The following TMBIM6 variants were observed in gnomAD, a reference collection of about 807,000 sequenced individuals.
TMBIM6 encodes transmembrane BAX inhibitor motif containing 6, also known as bax inhibitor 1.
A neutral mutation model predicts 31.4 loss-of-function variants in TMBIM6; 13 were observed. The ratio of observed to expected loss-of-function variants is 0.41; its 90% CI spans 0.27 to 0.66. The LOEUF (loss-of-function observed/expected upper bound fraction) is 0.66. Among genes scored for constraint, TMBIM6 ranks in the 30% least tolerant of loss-of-function variants. The pLI is 0.28. For missense variants in TMBIM6, 275 were observed against 289.5 expected, an observed-to-expected ratio of 0.95 and a Z score of 0.36; for synonymous variants, 85 against 101.7, an observed-to-expected ratio of 0.84 and a Z score of 0.99.
intron 1 of TMBIM6, among the ~76,000 whole-genome samples, chr12:49,743,246 T>G (rs972792676): frequency 2.0e-5 from 3 of 150,814 alleles, no homozygotes. Context: ...ATTATTATGT[T>G]TTTTTTTTGA....
rs1205846848 is a variant in TMBIM6, at chr12:49,763,152, CA to C, written c.*257del. The C allele has an allele frequency of 6.1e-4, 221 of 362,422 alleles. 1 individual carries two copies. Among genetic ancestry groups the C allele is most frequent in the Non-Finnish European group, 7.2e-5 (14 of 195,562 alleles). The allele number at this position is 362,422 out of a possible 1,614,324, so 22.5% of individuals were successfully genotyped here. On this transcript the variant is annotated 3_prime_UTR_variant, in exon 10 of 10. Transcript: ENST00000267115. ...CCCATCTGTAGCCTCTTCCTCTACTCAGGCAGTCGACCCGCCACGATGAGAA... is the reference window on the plus strand; with the variant it reads ...CCCATCTGTAGCCTCTTCCTCTACTCGGCAGTCGACCCGCCACGATGAGAA...
rs1384960568 is a variant in TMBIM6, at chr12:49,764,077, A to G, written c.*1181A>G. On this transcript the variant is annotated 3_prime_UTR_variant, in exon 10 of 10. Coordinates refer to ENST00000267115, the MANE Select transcript of TMBIM6 (RefSeq NM_003217.3). ...GTTTTTGGTCTGTTACCTGTTTTCC[A>G]GAAATTTGTGGCCTTTTAGGCGGGA... 1.3e-5 allele frequency: 2 copies of G among 152,200 alleles called. No individual in the cohort carries two copies. Among genetic ancestry groups the G allele is most frequent in the Non-Finnish European group, 2.9e-5 (2 of 68,036 alleles). The allele number at this position is 152,200 out of a possible 1,614,324, so 9.4% of individuals were successfully genotyped here.
rs139819267 is a variant in TMBIM6 at position 49,758,448 on chromosome 12, A to T, written c.401A>T (p.Tyr134Phe). The change falls in exon 6 of 10, where the codon TAT becomes TTT. Residue 134 changes from tyrosine (Y) to phenylalanine (F), a missense_variant. Coordinates refer to ENST00000267115, the MANE Select transcript of TMBIM6 (RefSeq NM_003217.3). ...IFTCFTLSAL[Y>F]ARRRSYLFLG... Reference sequence around the variant, plus strand: ...ACCTGCTTCACCCTCAGTGCACTCTATGCCAGGCGCCGTAGCTACCTCTTT... The same window carrying T: ...ACCTGCTTCACCCTCAGTGCACTCTTTGCCAGGCGCCGTAGCTACCTCTTT... The T allele has an allele frequency of 1.4e-5, 22 of 1,614,024 alleles. 1 individual carries two copies. In the South Asian group the frequency reaches 2.4e-4, roughly 18 times the overall value.
intron 8 of TMBIM6, 34 bp downstream of exon 8, chr12:49,759,355 A>G (rs567226207): frequency 6.4e-7 from 1 of 1,560,694 alleles, no homozygotes; most frequent in African/African-American, 1.4e-5. Flanking sequence ...ACAAGCATGA[A>G]GGTTGAGGCA....
rs943773037 is a variant in TMBIM6 at position 49,763,783 on chromosome 12, C to G, written c.*887C>G. ...GGGGAATGGTTGAGCCTCTGGAGAT[C>G]ATTGTAACCAATCCTGCCAGACCTG... On this transcript the variant is annotated 3_prime_UTR_variant, in exon 10 of 10. Coordinates refer to ENST00000267115, the MANE Select transcript of TMBIM6 (RefSeq NM_003217.3). 1 of 152,192 alleles carries G rather than the reference C, an allele frequency of 6.6e-6. No individual in the cohort carries two copies. Among genetic ancestry groups the G allele is most frequent in the African/African-American group, 2.4e-5 (1 of 41,436 alleles). 9.4% of individuals were successfully genotyped at this position (152,192 alleles called of 1,614,324 possible).
rs1945783080 is a variant in TMBIM6, at chr12:49,764,708, A to AC, written c.*1812_*1813insC. ...GAAACAGTGCCAAGAATGACAAGAT[A>AC]TTAAAAAAAAAAAAGAAAGAAAAAA... On this transcript the variant is annotated 3_prime_UTR_variant, in exon 10 of 10. Transcript: ENST00000267115. 2 of 137,152 alleles carry AC rather than the reference A, an allele frequency of 1.5e-5. No individual in the cohort carries two copies. Among genetic ancestry groups the AC allele is most frequent in the African/African-American group, 6.7e-5 (2 of 29,716 alleles). The allele number at this position is 137,152 out of a possible 1,614,324, so 8.5% of individuals were successfully genotyped here. A position where few individuals can be genotyped will look rare whatever the true frequency, so the allele number is the denominator to read the frequency against.
intron 1 of TMBIM6, among the ~76,000 whole-genome samples, chr12:49,747,671 A>G (rs1235283060): frequency 1.3e-5 from 2 of 152,164 alleles, no homozygotes; most frequent in African/African-American, 4.8e-5. Flanking sequence ...TTCATAATAA[A>G]ACATAAACTG....
Position 49,761,158 on chromosome 12 carries a change from C to T in TMBIM6, c.615-546C>T, listed in dbSNP as rs569167363. Among the ~76,000 whole-genome samples, 23 of 150,986 alleles carry T rather than the reference C, an allele frequency of 1.5e-4. No homozygotes were observed. The East Asian group carries it at 3.6e-3, about 23-fold the overall frequency. On this transcript the variant is annotated intron_variant, in intron 8 of 9. Coordinates refer to ENST00000267115, the MANE Select transcript of TMBIM6 (RefSeq NM_003217.3). ...GCACTTTTTTTTTAATGTAGTGATTCTCTCAGTCTCATGACTAATTAGTGG... is the reference window on the plus strand; with the variant it reads ...GCACTTTTTTTTTAATGTAGTGATTTTCTCAGTCTCATGACTAATTAGTGG...
intron 4 of TMBIM6, 92 bp from the exon 5 acceptor site, chr12:49,758,135 T>G: frequency 7.1e-5 from 98 of 1,373,772 alleles, no homozygotes; most frequent in Non-Finnish European, 9.4e-5. Flanking sequence ...GTTAAGAGCA[T>G]GAGTATGCCT....
intron 7 of TMBIM6, 46 bp from the exon 8 acceptor site, chr12:49,759,175 T>C: frequency 1.3e-6 from 2 of 1,531,310 alleles, no homozygotes; most frequent in Non-Finnish European, 9.0e-7. Context: ...TTTTTTTTTC[T>C]CTGCAACTTC....
In TMBIM6 at chr12:49,763,844, T is replaced by C. The variant is rs1945766403; in HGVS notation, c.*948T>C. The C allele has an allele frequency of 6.6e-6, 1 of 152,158 alleles. No individual in the cohort carries two copies. Among genetic ancestry groups the C allele is most frequent in the South Asian group, 2.1e-4 (1 of 4,832 alleles). The allele number at this position is 152,158 out of a possible 1,614,324, so 9.4% of individuals were successfully genotyped here. ...TGGGGAGCAAACCTAGATAAGGACC[T>C]GTTTGGGGCAGCAGGGAGCAAAATC... On this transcript the variant is annotated 3_prime_UTR_variant, in exon 10 of 10. Coordinates refer to ENST00000267115, the MANE Select transcript of TMBIM6 (RefSeq NM_003217.3).
Position 49,762,945 on chromosome 12 carries a change from C to G in TMBIM6, c.*49C>G. On this transcript the variant is annotated 3_prime_UTR_variant, in exon 10 of 10. Transcript: ENST00000267115. ...TTAGACTTCCTCTCCTTCCACCCCT[C>G]ATTTCCTTTTTGCACACATTACAGG... 1 of 1,596,844 alleles carries G rather than the reference C, an allele frequency of 6.3e-7. No homozygotes were observed. The highest frequency in any genetic ancestry group is 1.3e-5 in the African/African-American group (1 of 74,696).
chr12:49,743,869 A>C (rs1046238507), intron 1 of TMBIM6, among the ~76,000 whole-genome samples: 1 of 149,792 alleles, frequency 6.7e-6, no homozygotes, highest in Non-Finnish European at 1.5e-5. Flanking sequence ...ATGTTGGTCA[A>C]ATCAATACTA....
rs1447539886 is a variant in TMBIM6, at chr12:49,764,743, C to T, written c.*1847C>T. 1.4e-5 allele frequency: 2 copies of T among 146,412 alleles called. No individual in the cohort carries two copies. The highest frequency in any genetic ancestry group is 6.7e-5 in the Admixed American group (1 of 14,904). The allele number at this position is 146,412 out of a possible 1,614,324, so 9.1% of individuals were successfully genotyped here. On this transcript the variant is annotated 3_prime_UTR_variant, in exon 10 of 10. Transcript: ENST00000267115. ...AAAAAGAAAGAAAAAAAAAAAAACA[C>T]CTACTTTTAAAGAAAATACCTAACA...
intron 4 of TMBIM6, among the ~76,000 whole-genome samples, chr12:49,756,555 T>C (rs1945599626): frequency 6.7e-6 from 1 of 149,676 alleles, no homozygotes; most frequent in Non-Finnish European, 1.5e-5. Context: ...GCGATTCCCC[T>C]TCCTCAGCCT....
chr12:49,749,144 G>A (rs1945448235), intron 1 of TMBIM6, among the ~76,000 whole-genome samples: 1 of 152,150 alleles, frequency 6.6e-6, no homozygotes, highest in Non-Finnish European at 1.5e-5. Context: ...TTGAAACTTG[G>A]TAAGTTTATT....
Position 49,757,294 on chromosome 12 carries a change from G to A in TMBIM6, c.287-933G>A, listed in dbSNP as rs1474325629. On this transcript the variant is annotated intron_variant, in intron 4 of 9. Coordinates refer to ENST00000267115, the MANE Select transcript of TMBIM6 (RefSeq NM_003217.3). ...ATAGCCATTGTGTACTTGAATGAAT[G>A]AGGTTCAAGAGCTTAGGTAGCATAA... 2.6e-5 allele frequency among the ~76,000 whole-genome samples: 4 copies of A among 152,212 alleles called. No individual in the cohort carries two copies. In the East Asian group the frequency reaches 7.7e-4, roughly 29 times the overall value.
At chr12:49,748,198 A>G (rs1321723438) in intron 1 of TMBIM6, among the ~76,000 whole-genome samples, 1 of 150,922 alleles carries the variant, frequency 6.6e-6, no homozygotes, top group Non-Finnish European at 1.5e-5. Context: ...CACCGCACCC[A>G]GCCTGTTTTT....
At chr12:49,749,274 C>T (rs1945450725) in intron 1 of TMBIM6, among the ~76,000 whole-genome samples, 1 of 152,068 alleles carries the variant, frequency 6.6e-6, no homozygotes, top group South Asian at 2.1e-4. Context: ...CTATGTATTC[C>T]CTCTCACATT....
Sources: gnomAD v4.1 joint callset for allele counts (sites outside exome capture counted in the v4.1 genomes callset) on GRCh38, gnomAD v4.1.1 for gene constraint, MANE v1.5 for transcripts, NCBI Gene and HGNC (gene_info 2026-07-23, HGNC 2026-07-21) for gene names.